Variants in PTK2 observed in about 807,000 individuals in gnomAD.
PTK2 encodes protein tyrosine kinase 2, also known as focal adhesion kinase 1.
In PTK2, 45 loss-of-function variants were observed where a neutral mutation model predicts 150.1. The ratio of observed to expected loss-of-function variants is 0.30; its 90% confidence interval spans 0.24 to 0.38. The LOEUF (loss-of-function observed/expected upper bound fraction) is 0.38, where lower values mean the gene tolerates loss of function less well. PTK2 is among the 10% of genes least tolerant of loss of function. The probability of loss-of-function intolerance (pLI) is 1.00; values close to 1 mark genes in which losing one functional copy is unlikely to be tolerated. For synonymous variants in PTK2, 432 were observed against 449.2 expected (o/e 0.96, Z 0.48); for missense variants, 919 against 1,307.3 (o/e 0.70, Z 4.58).
chr8:140,762,772 G>GA (rs1565869862), intron 15 of PTK2, among the ~76,000 whole-genome samples: 2 of 148,518 alleles, frequency 1.3e-5, no homozygotes, highest in Non-Finnish European at 3.0e-5. Flanking sequence ...GTGTTTTGGT[G>GA]TTTTTTTTTT....
At chr8:140,904,979 G>T (rs2100160274) in intron 2 of PTK2, among the ~76,000 whole-genome samples, 1 of 151,864 alleles carries the variant, frequency 6.6e-6, no homozygotes, top group Non-Finnish European at 1.5e-5. Context: ...AAGTTTTTTT[G>T]TATCTCTATC....
At chr8:140,703,142 C>T (rs1451835601) in intron 24 of PTK2, among the ~76,000 whole-genome samples, 2 of 152,066 alleles carry the variant, frequency 1.3e-5, no homozygotes. Context: ...TCAGGAGTAG[C>T]CTGTAGTCCC....
intron 15 of PTK2, among the ~76,000 whole-genome samples, chr8:140,762,002 G>T (rs1305359527): frequency 6.6e-6 from 1 of 152,042 alleles, no homozygotes; most frequent in South Asian, 2.1e-4. Flanking sequence ...GAATGTAATA[G>T]ATTCAATTAT....
intron 16 of PTK2, among the ~76,000 whole-genome samples, chr8:140,759,294 T>G (rs971081099): frequency 6.6e-6 from 1 of 152,052 alleles, no homozygotes; most frequent in Non-Finnish European, 1.5e-5. Context: ...GGTACAGCTG[T>G]GTTGGAAATC....
intron 2 of PTK2, among the ~76,000 whole-genome samples, chr8:140,891,864 C>T (rs2100154365): frequency 6.6e-6 from 1 of 152,198 alleles, no homozygotes; most frequent in Non-Finnish European, 1.5e-5. Flanking sequence ...CAGCTGGGTG[C>T]AGAAGCAAAG....
intron 4 of PTK2, among the ~76,000 whole-genome samples, chr8:140,873,458 C>A (rs1279450513): frequency 7.9e-6 from 1 of 126,246 alleles, no homozygotes; most frequent in African/African-American, 2.6e-5. Context: ...ACTGAAGTGT[C>A]TGCAATTTTT....
chr8:140,702,034 G>C (rs368394386), intron 25 of PTK2, among the ~76,000 whole-genome samples: 2 of 149,472 alleles, frequency 1.3e-5, no homozygotes, highest in East Asian at 4.0e-4. Flanking sequence ...AGGCTGAGGC[G>C]GGAGAATTGC....
chr8:140,730,075 A>G (rs1228742097), intron 22 of PTK2, among the ~76,000 whole-genome samples: 1 of 152,250 alleles, frequency 6.6e-6, no homozygotes, highest in Non-Finnish European at 1.5e-5. Flanking sequence ...CTTGCTATCA[A>G]TGCACATGGT....
At chr8:140,785,198 C>T (rs1224031693) in intron 14 of PTK2, among the ~76,000 whole-genome samples, 1 of 152,194 alleles carries the variant, frequency 6.6e-6, no homozygotes, top group East Asian at 1.9e-4. Flanking sequence ...CCCAGTGACA[C>T]TGGTCGGTCC....
chr8:140,915,200 T>C (rs2100164769), intron 2 of PTK2, among the ~76,000 whole-genome samples: 1 of 151,912 alleles, frequency 6.6e-6, no homozygotes, highest in Admixed American at 6.6e-5. Flanking sequence ...TAGATAGTGG[T>C]TAAGAGCAAA....
intron 27 of PTK2, chr8:140,675,744 C>A: frequency 2.2e-6 from 1 of 458,488 alleles, no homozygotes; most frequent in Non-Finnish European, 3.9e-6. Context: ...TCTGGAACCA[C>A]AAACACAGTG....
intron 1 of PTK2, among the ~76,000 whole-genome samples, chr8:140,961,577 G>C (rs2100183197): frequency 6.6e-6 from 1 of 151,918 alleles, no homozygotes; most frequent in East Asian, 1.9e-4. Flanking sequence ...CAGGAGAATG[G>C]CGTGAACCTG....
chr8:140,892,952 T>C (rs2100154722), intron 2 of PTK2, among the ~76,000 whole-genome samples: 1 of 152,198 alleles, frequency 6.6e-6, no homozygotes, highest in Admixed American at 6.5e-5. Flanking sequence ...CCTCAAAAGG[T>C]TAAACATGGA....
At chr8:140,751,569 G>A (rs1030362774) in intron 17 of PTK2, among the ~76,000 whole-genome samples, 2 of 151,450 alleles carry the variant, frequency 1.3e-5, no homozygotes, top group Non-Finnish European at 2.9e-5. Context: ...TCGGCTTACT[G>A]CAACCTCCCT....
rs147470694 is a variant in PTK2 at position 140,795,488 on chromosome 8, G to A, written c.1094-2104C>T. On this transcript the variant is annotated intron_variant, in intron 12 of 31. Transcript: ENST00000522684. ...CCTTCAGGTGCGACTCTCTCAGTGG[G>A]ACCTTCCCTGACAACCTTACTTAAA... Among the ~76,000 whole-genome samples, 26 of 152,206 alleles carry A rather than the reference G, an allele frequency of 1.7e-4. 2 individuals carry two copies. Among genetic ancestry groups the A allele is most frequent in the Admixed American group, 1.6e-3 (25 of 15,282 alleles).
At chr8:140,991,953 G>A (rs1469333548) in intron 1 of PTK2, among the ~76,000 whole-genome samples, 1 of 151,638 alleles carries the variant, frequency 6.6e-6, no homozygotes, top group East Asian at 1.9e-4. Context: ...CTGTGATCGC[G>A]CACTCCAGCA....
At chr8:140,923,948 G>A (rs982081486) in intron 2 of PTK2, among the ~76,000 whole-genome samples, 1 of 152,142 alleles carries the variant, frequency 6.6e-6, no homozygotes, top group Non-Finnish European at 1.5e-5. Flanking sequence ...CTTCTGAGTT[G>A]TGCACTGATC....
intron 1 of PTK2, chr8:140,954,694 C>G (rs2100180642): frequency 6.6e-6 from 1 of 152,060 alleles, no homozygotes; most frequent in Non-Finnish European, 1.5e-5. Flanking sequence ...AAAGAAAAAA[C>G]AAAACCAAAA....
chr8:140,665,324 G>C (rs1300434814), intron 30 of PTK2, among the ~76,000 whole-genome samples: 1 of 151,792 alleles, frequency 6.6e-6, no homozygotes, highest in Non-Finnish European at 1.5e-5. Flanking sequence ...CACCCTCCTG[G>C]CTCCAACTGC....
Sources: allele counts gnomAD v4.1 joint callset (sites outside exome capture counted in the v4.1 genomes callset), GRCh38; gene constraint gnomAD v4.1.1; transcripts MANE v1.5; gene names NCBI Gene and HGNC (gene_info 2026-07-23, HGNC 2026-07-21).